Variants in ZMYM2 observed in about 807,000 individuals in gnomAD.
ZMYM2 encodes the protein zinc finger MYM-type containing 2.
Under a neutral mutation model 162.8 loss-of-function variants are expected in ZMYM2, and 56 were observed. The ratio of observed to expected loss-of-function variants is 0.34; its 90% confidence interval spans 0.28 to 0.43. ZMYM2 has a LOEUF of 0.43. Among genes scored for constraint, ZMYM2 ranks in the 20% least tolerant of loss-of-function variants. ZMYM2 has a pLI of 1.00. For synonymous variants in ZMYM2, 510 were observed against 541.6 expected, an observed-to-expected ratio of 0.94 and a Z score of 0.81; for missense variants, 1,275 against 1,621.8, an observed-to-expected ratio of 0.79 and a Z score of 3.67.
intron 2 of ZMYM2, among the ~76,000 whole-genome samples, chr13:19,964,595 G>C (rs926777591): frequency 6.6e-6 from 1 of 151,976 alleles, no homozygotes; most frequent in Admixed American, 6.6e-5. Context: ...ACTTTTGCAC[G>C]TTTATGTTTT....
At chr13:19,979,428 C>CTTTTTTTTTTTTTTTTTTTTTTTGCT (rs71763618) in intron 2 of ZMYM2, among the ~76,000 whole-genome samples, 1 of 110,850 alleles carries the variant, frequency 9.0e-6, no homozygotes. Flanking sequence ...TTTTTCTGCA[C>CTTTTTTTTTTTTTTTTTTTTTTTGCT]TTTTTTTTTT....
the ZMYM2 span, among the ~76,000 whole-genome samples, chr13:19,948,600 A>G: frequency 2.0e-5 from 3 of 152,348 alleles, no homozygotes; most frequent in East Asian, 5.8e-4. Flanking sequence ...TACGGGTTAT[A>G]GGGCAGGGAG....
chr13:19,965,988 C>T (rs1357058485), intron 2 of ZMYM2, among the ~76,000 whole-genome samples: 2 of 151,798 alleles, frequency 1.3e-5, no homozygotes, highest in Non-Finnish European at 2.9e-5. Context: ...CCGTGTTGGC[C>T]AGCTGGTTTT....
At chr13:19,880,208 A>G in the ZMYM2 span, among the ~76,000 whole-genome samples, 1 of 152,166 alleles carries the variant, frequency 6.6e-6, no homozygotes, top group Non-Finnish European at 1.5e-5. Context: ...TTCCTATAAT[A>G]AAGACACTCA....
At chr13:19,991,077 TTC>T (rs1949572787) in intron 2 of ZMYM2, among the ~76,000 whole-genome samples, 1 of 129,920 alleles carries the variant, frequency 7.7e-6, no homozygotes, top group Non-Finnish European at 1.6e-5. Flanking sequence ...CGTATGTATT[TTC>T]TGTGTGTGTG....
the ZMYM2 span, among the ~76,000 whole-genome samples, chr13:19,880,894 TTTTG>T: frequency 1.3e-5 from 2 of 151,502 alleles, no homozygotes; most frequent in Non-Finnish European, 2.9e-5. Context: ...TTGTTTTGTT[TTTTG>T]TTTTTTTTTT....
Position 20,034,385 on chromosome 13 carries a change from G to C in ZMYM2, c.2100G>C (p.Lys700Asn), listed in dbSNP as rs535395618. The change falls in exon 11 of 25, where the codon AAG becomes AAC. Residue 700 changes from lysine to asparagine, a missense_variant. Around this residue, in one of 10 missense-constraint regions of ZMYM2, gnomAD observed 177 missense variants for 228.0 expected, o/e 0.78. Transcript: ENST00000610343. Reference sequence around the variant, plus strand: ...AAACAGTAAATTTCTCTGGCGTTAAGAGACCTTTCTGTAGTGAAGGCAAGT... The same window carrying C: ...AAACAGTAAATTTCTCTGGCGTTAACAGACCTTTCTGTAGTGAAGGCAAGT... ...LHETVNFSGV[K>N]RPFCSEGCKL... is the part of the protein sequence containing the mutation. The C allele has an allele frequency of 6.2e-7, 1 of 1,600,068 alleles. No homozygotes were observed. Among genetic ancestry groups the C allele is most frequent in the Admixed American group, 1.7e-5 (1 of 57,470 alleles).
Position 20,031,562 on chromosome 13 carries a change from T to G in ZMYM2, c.1968+127T>G, listed in dbSNP as rs1212029114. On this transcript the variant is annotated intron_variant, in intron 10 of 24. Transcript: ENST00000610343. ...AATATGCTTTTCAGATTTTTTTTTA[T>G]GATTGGATTATTTATTCTCATGTGG... The G allele has an allele frequency of 3.2e-5, 20 of 629,584 alleles. No individual in the cohort carries two copies. In the Admixed American group the frequency reaches 7.4e-4, roughly 23 times the overall value. The allele number at this position is 629,584 out of a possible 1,614,324, so 39.0% of individuals were successfully genotyped here.
In ZMYM2 at chr13:20,071,906, A is replaced by G. The variant is rs562500908; in HGVS notation, c.3453+4516A>G. On this transcript the variant is annotated intron_variant, in intron 21 of 24. Coordinates refer to ENST00000610343, the MANE Select transcript of ZMYM2 (RefSeq NM_197968.4). ...ATGTTCGTTCAAGGCTTTCTGCACC[A>G]ATGGCCAGCACTTTCTAGTAAGCTT... 1.6e-4 allele frequency: 31 copies of G among 191,488 alleles called. No homozygotes were observed. In the East Asian group the frequency reaches 2.7e-3, roughly 17 times the overall value. 11.9% of individuals were successfully genotyped at this position (191,488 alleles called of 1,614,324 possible).
At chr13:19,926,148 A>G in the ZMYM2 span, among the ~76,000 whole-genome samples, 3 of 151,148 alleles carry the variant, frequency 2.0e-5, no homozygotes, top group Non-Finnish European at 4.4e-5. Flanking sequence ...TTTAGTAGAG[A>G]TGGGGTTTCA....
At chr13:20,010,992 GT>G (rs138818810) in intron 6 of ZMYM2, among the ~76,000 whole-genome samples, 2,082 of 152,234 alleles carry the variant, frequency 0.014, 39 homozygotes, top group African/African-American at 0.047. Context: ...GGGATACAGA[GT>G]GATGTTTTTA....
chr13:19,981,634 T>C (rs781469730), intron 2 of ZMYM2, among the ~76,000 whole-genome samples: 1 of 152,248 alleles, frequency 6.6e-6, no homozygotes, highest in East Asian at 1.9e-4. Flanking sequence ...GAGAAGTACC[T>C]TTTTCCTCCT....
intron 4 of ZMYM2, among the ~76,000 whole-genome samples, chr13:20,004,562 C>T (rs972520876): frequency 2.6e-5 from 4 of 152,176 alleles, no homozygotes; most frequent in African/African-American, 9.7e-5. Flanking sequence ...GCAGTATTGT[C>T]ATTTTCTAAT....
chr13:19,939,954 G>A, the ZMYM2 span, among the ~76,000 whole-genome samples: 7 of 152,236 alleles, frequency 4.6e-5, no homozygotes, highest in Admixed American at 1.3e-4. Context: ...GGAATTAGGC[G>A]GTTCTAGTTG....
chr13:20,022,894 A>G (rs1039189802), intron 7 of ZMYM2, among the ~76,000 whole-genome samples: 1 of 152,208 alleles, frequency 6.6e-6, no homozygotes, highest in Admixed American at 6.5e-5. Flanking sequence ...GAATGTTATT[A>G]AATGCATAAA....
intron 16 of ZMYM2, among the ~76,000 whole-genome samples, chr13:20,060,101 TG>T (rs1340331641): frequency 6.6e-6 from 1 of 152,246 alleles, no homozygotes; most frequent in East Asian, 1.9e-4. Flanking sequence ...TGTAGGGGTG[TG>T]GAACTTGAGT....
chr13:19,892,746 G>A, the ZMYM2 span, among the ~76,000 whole-genome samples: 5 of 146,072 alleles, frequency 3.4e-5, no homozygotes, highest in Non-Finnish European at 6.0e-5. Flanking sequence ...TCAGAATTTC[G>A]CTGTGTCACC....
At chr13:20,029,984 G>A (rs1213552545) in intron 9 of ZMYM2, among the ~76,000 whole-genome samples, 1 of 151,426 alleles carries the variant, frequency 6.6e-6, no homozygotes, top group African/African-American at 2.4e-5. Flanking sequence ...TAGTAGAGAC[G>A]GACTTTCGCC....
At chr13:20,011,341 T>TA (rs887852539) in intron 6 of ZMYM2, among the ~76,000 whole-genome samples, 4 of 152,192 alleles carry the variant, frequency 2.6e-5, no homozygotes, top group Non-Finnish European at 4.4e-5. Context: ...ACATTATACT[T>TA]ACATTCAAAC....
Sources: gnomAD v4.1 joint callset for allele counts (sites outside exome capture counted in the v4.1 genomes callset) on GRCh38, gnomAD v4.1.1 for gene constraint, gnomAD v4.1.1 regional missense constraint, MANE v1.5 for transcripts, NCBI Gene and HGNC (gene_info 2026-07-23, HGNC 2026-07-21) for gene names.